Variants in DST observed in about 807,000 individuals in gnomAD.
The protein encoded by DST is dystonin.
Under a neutral mutation model 875.2 loss-of-function variants are expected in DST, and 253 were observed. The observed-to-expected ratio is 0.29, with a 90% CI of 0.26 to 0.32. DST has a LOEUF of 0.32. Ranked by LOEUF, DST falls within the 10% of genes least tolerant of loss-of-function variation. DST has a pLI of 1.00. For synonymous variants in DST, 3,124 were observed against 3,197.1 expected (o/e 0.98, Z 0.77); for missense variants, 8,287 against 9,111.6 (o/e 0.91, Z 3.68).
At position 56,592,219 on chromosome 6, in the gene DST, T is replaced by C. The variant is rs765629290; in HGVS notation, c.12866A>G (p.Asp4289Gly). 35 of 1,613,650 alleles carry C rather than the reference T, an allele frequency of 2.2e-5. No homozygotes were observed. Among genetic ancestry groups the C allele is most frequent in the Non-Finnish European group, 3.0e-5 (35 of 1,179,748 alleles). ...SKHLSEPIAV[D>G]PKNLQRQLEE... ...TAATTGCCTTTGAAGATTTTTGGGG[T>C]CCACCGCAATAGGTTCAGATAAGTG... is the stretch of plus-strand genomic sequence containing the variant. Residue 4289 changes from aspartate to glycine, a missense_variant, in exon 49 of 104, where the codon GAC (aspartate) becomes GGC (glycine). This residue lies in a region of DST where 1,513 missense variants were observed against 1,677.8 expected (regional missense o/e 0.90). Coordinates refer to ENST00000680361, the MANE Select transcript of DST (RefSeq NM_001374736.1).
intron 82 of DST, among the ~76,000 whole-genome samples, chr6:56,494,484 T>A (rs193096316): frequency 1.3e-5 from 2 of 152,128 alleles, no homozygotes; most frequent in African/African-American, 4.8e-5. Flanking sequence ...AACTAATTAG[T>A]TCTGTGAGTT....
In DST at chr6:56,605,445, A is replaced by G. The variant is rs1269542666; in HGVS notation, c.9183T>C (p.Leu3061=). 1.2e-6 allele frequency: 2 copies of G among 1,612,828 alleles called. No individual in the cohort carries two copies. The highest frequency in any genetic ancestry group is 2.7e-5 in the African/African-American group (2 of 74,864). Residue 3061 remains leucine (L), a synonymous_variant, in exon 40 of 104, where the codon CTT becomes CTC. Coordinates refer to ENST00000680361, the MANE Select transcript of DST (RefSeq NM_001374736.1). ...QKMYLGEGEV[L]VEGLVEEENR... Reference sequence around the variant, plus strand: ...TTTCTTCTTCTACTAGACCTTCTACAAGCACTTCTCCTTCACCCAAGTACA... The same window carrying G: ...TTTCTTCTTCTACTAGACCTTCTACGAGCACTTCTCCTTCACCCAAGTACA...
intron 9 of DST, among the ~76,000 whole-genome samples, chr6:56,674,008 A>C (rs2099115754): frequency 6.6e-6 from 1 of 152,250 alleles, no homozygotes; most frequent in African/African-American, 2.4e-5. Flanking sequence ...AATAAAAAAT[A>C]AGTTAAATGC....
At chr6:56,849,762 C>A (rs567271768) in intron 4 of DST, among the ~76,000 whole-genome samples, 1 of 152,282 alleles carries the variant, frequency 6.6e-6, no homozygotes, top group South Asian at 2.1e-4. Context: ...TCTGTCATAA[C>A]TCCCTCCTTC....
chr6:56,475,394 A>AACACACACACAAACACACACAC (rs1389911774), intron 92 of DST, among the ~76,000 whole-genome samples: 91 of 144,966 alleles, frequency 6.3e-4, no homozygotes, highest in African/African-American at 2.3e-3. Context: ...AGGCTTTTAA[A>AACACACACACAAACACACACAC]ACACACACAC....
intron 3 of DST, among the ~76,000 whole-genome samples, chr6:56,859,229 T>TC (rs1203809298): frequency 1.3e-5 from 2 of 152,196 alleles, no homozygotes; most frequent in African/African-American, 4.8e-5. Flanking sequence ...GACCAAGCCT[T>TC]CACTTACTCT....
chr6:56,774,644 TAC>T (rs2099674339), intron 4 of DST, among the ~76,000 whole-genome samples: 1 of 152,128 alleles, frequency 6.6e-6, no homozygotes, highest in Admixed American at 6.6e-5. Flanking sequence ...AAACCATAAT[TAC>T]AGAATACCCT....
At position 56,569,823 on chromosome 6, in the gene DST, A is replaced by T. The variant is rs2097754824; in HGVS notation, c.13878+33T>A. The T allele has an allele frequency of 2.5e-6, 4 of 1,570,252 alleles. No individual in the cohort carries two copies. In the East Asian group the frequency reaches 9.0e-5, roughly 35 times the overall value. On this transcript the variant is annotated intron_variant, in intron 54 of 103. Transcript: ENST00000680361. ...TTTTAATCTTTCATTATTGACACAA[A>T]TGGAAATTTAGTATTAGATAACAAT...
intron 16 of DST, 122 bp downstream of exon 16, chr6:56,642,288 A>G (rs780692381): frequency 2.7e-5 from 24 of 898,802 alleles, no homozygotes; most frequent in Non-Finnish European, 4.4e-5. Context: ...TCTTTAACAA[A>G]CTTTAAGTTT....
chr6:56,585,705 C>G (rs2098132769), intron 49 of DST, among the ~76,000 whole-genome samples: 1 of 151,018 alleles, frequency 6.6e-6, no homozygotes, highest in Non-Finnish European at 1.5e-5. Flanking sequence ...AATTTTGGAT[C>G]TTTCCTCCTT....
chr6:56,667,474 T>C (rs534650492), intron 10 of DST, among the ~76,000 whole-genome samples: 20 of 152,176 alleles, frequency 1.3e-4, no homozygotes, highest in African/African-American at 3.9e-4. Context: ...TTTCTTCTAG[T>C]GAAAGAAACC....
intron 4 of DST, 67 bp from the exon 5 acceptor site, chr6:56,735,356 T>C: frequency 1.1e-6 from 1 of 932,966 alleles, no homozygotes; most frequent in Non-Finnish European, 1.6e-6. Context: ...TTTGTGATCA[T>C]GAATATAAAC....
At chr6:56,659,349 G>A (rs2099026747) in intron 10 of DST, among the ~76,000 whole-genome samples, 1 of 152,212 alleles carries the variant, frequency 6.6e-6, no homozygotes, top group Non-Finnish European at 1.5e-5. Flanking sequence ...AAACTCGAGT[G>A]TTTACTGGCC....
intron 10 of DST, among the ~76,000 whole-genome samples, chr6:56,659,458 G>A (rs1458285092): frequency 2.6e-5 from 4 of 152,100 alleles, no homozygotes; most frequent in African/African-American, 9.7e-5. Context: ...AAAGGAGAGA[G>A]TATTTCAAGA....
chr6:56,775,987 T>G (rs1249371653), intron 4 of DST, among the ~76,000 whole-genome samples: 1 of 152,172 alleles, frequency 6.6e-6, no homozygotes, highest in African/African-American at 2.4e-5. Context: ...CAAATAATGA[T>G]GTAAGTAAGG....
intron 29 of DST, 149 bp downstream of exon 29, chr6:56,631,734 T>C (rs1031199440): frequency 1.1e-5 from 8 of 725,396 alleles, no homozygotes; most frequent in Non-Finnish European, 1.9e-5. Flanking sequence ...TCCTAGTTTA[T>C]AATCAGCAAT....
chr6:56,551,802 C>T (rs189327524), intron 61 of DST, among the ~76,000 whole-genome samples: 44 of 152,280 alleles, frequency 2.9e-4, no homozygotes, highest in Non-Finnish European at 5.3e-4. Context: ...GCAGAAAAGA[C>T]GGTAATTCAC....
intron 27 of DST, among the ~76,000 whole-genome samples, chr6:56,633,296 G>A (rs2098797914): frequency 6.8e-6 from 1 of 147,276 alleles, no homozygotes; most frequent in South Asian, 2.1e-4. Context: ...GCGGGATCTC[G>A]GCTCACTGCA....
intron 2 of DST, among the ~76,000 whole-genome samples, chr6:56,934,607 G>C (rs774436999): frequency 8.0e-6 from 1 of 125,720 alleles, no homozygotes; most frequent in African/African-American, 2.8e-5. Context: ...GAGAGAGAAG[G>C]AGGGGAGAGA....
Sources: allele counts gnomAD v4.1 joint callset (sites outside exome capture counted in the v4.1 genomes callset), GRCh38; gene constraint gnomAD v4.1.1; regional missense constraint gnomAD v4.1.1; transcripts MANE v1.5; gene names NCBI Gene and HGNC (gene_info 2026-07-23, HGNC 2026-07-21).